ATP9A: variants seen among roughly 807,000 people sequenced by gnomAD.
The protein encoded by ATP9A is probable phospholipid-transporting ATPase IIA.
A neutral mutation model predicts 144.1 loss-of-function variants in ATP9A; 52 were observed. The observed-to-expected ratio is 0.36, with a 90% confidence interval of 0.29 to 0.45. The LOEUF (loss-of-function observed/expected upper bound fraction) is 0.45, where lower values mean the gene tolerates loss of function less well. Ranked by LOEUF, ATP9A falls within the 20% of genes least tolerant of loss-of-function variation. The probability of loss-of-function intolerance (pLI) is 1.00; values close to 1 mark genes in which losing one functional copy is unlikely to be tolerated. For missense variants in ATP9A, 947 were observed against 1,392.7 expected (o/e 0.68, Z 5.09); for synonymous variants, 582 against 557.4 (o/e 1.04, Z -0.62).
At chr20:51,616,957 T>C (rs1001609288) in intron 22 of ATP9A, among the ~76,000 whole-genome samples, 2 of 151,654 alleles carry the variant, frequency 1.3e-5, no homozygotes, top group African/African-American at 4.8e-5. Flanking sequence ...TTTTTTTTTT[T>C]TTGAGACAGA....
At chr20:51,750,625 C>T (rs1172580884) in intron 1 of ATP9A, among the ~76,000 whole-genome samples, 3 of 152,188 alleles carry the variant, frequency 2.0e-5, no homozygotes, top group African/African-American at 7.2e-5. Flanking sequence ...TTGCTCCTCC[C>T]GACTGTCCTA....
At chr20:51,658,896 G>GTT (rs1555833858) in intron 13 of ATP9A, among the ~76,000 whole-genome samples, 2 of 118,046 alleles carry the variant, frequency 1.7e-5, no homozygotes, top group African/African-American at 3.2e-5. Context: ...GGCGGGGGGG[G>GTT]GGGGGGGAAG....
chr20:51,662,183 G>A (rs941400747), intron 13 of ATP9A, among the ~76,000 whole-genome samples: 2 of 152,186 alleles, frequency 1.3e-5, no homozygotes, highest in Non-Finnish European at 2.9e-5. Context: ...GCTAGCACAA[G>A]GTTGGATCTT....
intron 3 of ATP9A, among the ~76,000 whole-genome samples, 154 bp downstream of exon 3, chr20:51,725,665 G>A (rs1339556733): frequency 2.6e-5 from 4 of 152,182 alleles, no homozygotes; most frequent in East Asian, 1.9e-4. Flanking sequence ...GAGCTTCAAC[G>A]TTAAAGTCTC....
intron 13 of ATP9A, among the ~76,000 whole-genome samples, chr20:51,665,484 C>T (rs537412586): frequency 1.3e-4 from 20 of 151,854 alleles, no homozygotes; most frequent in Non-Finnish European, 2.1e-4. Flanking sequence ...TTTGGGAGGC[C>T]GAGGCAGGCA....
At chr20:51,671,058 G>C (rs2077453511) in intron 12 of ATP9A, 57 bp downstream of exon 12, 1 of 1,586,816 alleles carries the variant, frequency 6.3e-7, no homozygotes, top group Non-Finnish European at 8.6e-7. Context: ...TTCAGCCAAA[G>C]CCCTCAGGCA....
chr20:51,642,100 C>G (rs1176611071), intron 14 of ATP9A, among the ~76,000 whole-genome samples: 1 of 152,026 alleles, frequency 6.6e-6, no homozygotes, highest in Non-Finnish European at 1.5e-5. Context: ...CTCCTGTATT[C>G]CTTTCCTGTT....
intron 19 of ATP9A, among the ~76,000 whole-genome samples, chr20:51,619,725 G>A (rs996657908): frequency 4.0e-5 from 6 of 151,500 alleles, no homozygotes; most frequent in East Asian, 2.0e-4. Context: ...AAAATTAGCC[G>A]GGCTTGGTGG....
intron 13 of ATP9A, among the ~76,000 whole-genome samples, chr20:51,661,726 C>T (rs1243245080): frequency 6.6e-6 from 1 of 151,938 alleles, no homozygotes; most frequent in Non-Finnish European, 1.5e-5. Flanking sequence ...AACTAACCTG[C>T]CACATCAAAA....
intron 9 of ATP9A, among the ~76,000 whole-genome samples, chr20:51,678,316 C>G (rs777849935): frequency 6.6e-5 from 10 of 152,146 alleles, no homozygotes; most frequent in Non-Finnish European, 1.5e-4. Flanking sequence ...CTCTCCCCCT[C>G]ACTCTCAGGA....
At chr20:51,748,073 T>C (rs2077815883) in intron 1 of ATP9A, among the ~76,000 whole-genome samples, 2 of 152,202 alleles carry the variant, frequency 1.3e-5, no homozygotes, top group Admixed American at 6.6e-5. Context: ...TTCTGGGCTC[T>C]CTTAGACTCT....
intron 13 of ATP9A, among the ~76,000 whole-genome samples, chr20:51,665,909 T>C (rs891838259): frequency 1.3e-5 from 2 of 152,116 alleles, no homozygotes; most frequent in African/African-American, 4.8e-5. Flanking sequence ...TCTTTATGAG[T>C]CCAGTTTAGT....
intron 9 of ATP9A, among the ~76,000 whole-genome samples, chr20:51,687,199 C>G (rs944565681): frequency 1.3e-5 from 2 of 148,862 alleles, no homozygotes; most frequent in Non-Finnish European, 3.0e-5. Context: ...GGTGGCTGTG[C>G]CCAGGCGTGG....
intron 3 of ATP9A, among the ~76,000 whole-genome samples, chr20:51,715,571 G>T (rs748688063): frequency 6.6e-6 from 1 of 152,194 alleles, no homozygotes; most frequent in Non-Finnish European, 1.5e-5. Context: ...GACAGGAGCC[G>T]CTCACTAACC....
chr20:51,637,749 T>C (rs568675533), intron 15 of ATP9A, among the ~76,000 whole-genome samples: 1 of 151,534 alleles, frequency 6.6e-6, no homozygotes, highest in South Asian at 2.1e-4. Context: ...TGGTGTTTGG[T>C]TATATGAGTA....
chr20:51,607,279 C>A (rs1343171876), intron 26 of ATP9A, among the ~76,000 whole-genome samples: 6 of 152,206 alleles, frequency 3.9e-5, no homozygotes, highest in African/African-American at 1.4e-4. Flanking sequence ...GGAGCAGCCC[C>A]ACAGGCTTTG....
chr20:51,766,500 T>C (rs1422355970), intron 1 of ATP9A, among the ~76,000 whole-genome samples: 1 of 152,184 alleles, frequency 6.6e-6, no homozygotes, highest in African/African-American at 2.4e-5. Context: ...GGATGTACGA[T>C]GTACCAGGCA....
chr20:51,672,842 C>A (rs899491695), intron 11 of ATP9A, among the ~76,000 whole-genome samples: 1 of 151,516 alleles, frequency 6.6e-6, no homozygotes, highest in Non-Finnish European at 1.5e-5. Flanking sequence ...TGATGGGACA[C>A]ACATACAAGT....
chr20:51,609,047 G>A (rs953539326), intron 24 of ATP9A, among the ~76,000 whole-genome samples: 1 of 151,750 alleles, frequency 6.6e-6, no homozygotes, highest in African/African-American at 2.4e-5. Context: ...ATCCCAGGAG[G>A]AAGAGCATTC....
Sources: gnomAD v4.1 joint callset for allele counts (sites outside exome capture counted in the v4.1 genomes callset) on GRCh38, gnomAD v4.1.1 for gene constraint, MANE v1.5 for transcripts, NCBI Gene and HGNC (gene_info 2026-07-23, HGNC 2026-07-21) for gene names.